Variants in PTN observed in about 807,000 individuals in gnomAD.
PTN encodes the protein pleiotrophin, also known as heparin affin regulatory protein.
Under a neutral mutation model 24.1 loss-of-function variants are expected in PTN, and 18 were observed. The observed-to-expected ratio is 0.75, with a 90% CI of 0.52 to 1.11. The LOEUF is 1.11. Ranked by LOEUF, PTN falls within the 50% of genes least tolerant of loss-of-function variation. PTN has a pLI of 0.00. For synonymous variants in PTN, 78 were observed against 68.6 expected (o/e 1.14, Z -0.67); for missense variants, 163 against 198.8 (o/e 0.82, Z 1.08).
intron 2 of PTN, among the ~76,000 whole-genome samples, chr7:137,254,394 T>C (rs1808881676): frequency 6.6e-6 from 1 of 152,066 alleles, no homozygotes; most frequent in South Asian, 2.1e-4. Flanking sequence ...ATCATACAAA[T>C]ATGGTGCATC....
chr7:137,310,475 G>A (rs992305793), intron 1 of PTN, among the ~76,000 whole-genome samples: 15 of 146,574 alleles, frequency 1.0e-4, no homozygotes, highest in Non-Finnish European at 1.8e-4. Context: ...TTGGCTCACT[G>A]CAACCTCCGA....
At position 137,253,505 on chromosome 7, in the gene PTN, T is replaced by C; in HGVS notation, c.248A>G (p.Gln83Arg). The C allele has an allele frequency of 6.2e-7, 1 of 1,611,884 alleles. No homozygotes were observed. The highest frequency in any genetic ancestry group is 8.5e-7 in the Non-Finnish European group (1 of 1,178,956). Residue 83 changes from glutamine (Q) to arginine (R), a missense_variant, in exon 3 of 5, where the codon CAG becomes CGG. Coordinates refer to ENST00000348225, the MANE Select transcript of PTN (RefSeq NM_002825.7). Reference sequence around the variant, plus strand: ...CCAGTTGCAGGGGATCTTACATCTCTGGGTCTTCATGGTTTGCTTGCACTC... The same window carrying C: ...CCAGTTGCAGGGGATCTTACATCTCCGGGTCTTCATGGTTTGCTTGCACTC... ...GAECKQTMKT[Q>R]RCKIPCNWKK...
chr7:137,264,130 T>G (rs1366859325), intron 1 of PTN, among the ~76,000 whole-genome samples: 1 of 152,190 alleles, frequency 6.6e-6, no homozygotes, highest in Admixed American at 6.5e-5. Flanking sequence ...ACTGGGTCTG[T>G]AGGCTCTAAT....
intron 1 of PTN, among the ~76,000 whole-genome samples, chr7:137,262,301 C>T (rs540624065): frequency 2.6e-5 from 4 of 152,022 alleles, no homozygotes; most frequent in Admixed American, 1.3e-4. Context: ...TTTTTATCTT[C>T]AATTTATCTT....
At chr7:137,332,341 G>A (rs1235326369) in intron 1 of PTN, among the ~76,000 whole-genome samples, 2 of 151,878 alleles carry the variant, frequency 1.3e-5, no homozygotes, top group Admixed American at 1.3e-4. Flanking sequence ...AAAATAATGT[G>A]TTTCTTCAGG....
rs138421905 is a variant in PTN at position 137,341,906 on chromosome 7, G to A, written c.-2+1533C>T. On this transcript the variant is annotated intron_variant, in intron 1 of 4. Transcript: ENST00000348225. ...CTCATCTTCTAATTTAAATGAAAAA[G>A]TACAAATATTGCCAGTCTGAAATAA... 4.4e-3 allele frequency among the ~76,000 whole-genome samples: 665 copies of A among 151,978 alleles called. 5 individuals carry two copies. Among genetic ancestry groups the A allele is most frequent in the Non-Finnish European group, 6.1e-3 (412 of 67,960 alleles).
At chr7:137,259,424 C>G (rs941022065) in intron 1 of PTN, among the ~76,000 whole-genome samples, 2 of 151,936 alleles carry the variant, frequency 1.3e-5, no homozygotes, top group South Asian at 4.1e-4. Context: ...GAACAAATTA[C>G]CAAATCACAA....
chr7:137,301,429 C>G (rs1385438877), intron 1 of PTN, among the ~76,000 whole-genome samples: 1 of 151,856 alleles, frequency 6.6e-6, no homozygotes, highest in African/African-American at 2.4e-5. Flanking sequence ...ACAGGTGAAC[C>G]AGCTCATGTA....
chr7:137,338,628 T>TTACATATA (rs1260642116), intron 1 of PTN, among the ~76,000 whole-genome samples: 2 of 152,212 alleles, frequency 1.3e-5, no homozygotes, highest in Non-Finnish European at 2.9e-5. Context: ...TTTAATGTTC[T>TTACATATA]TACATATATA....
intron 4 of PTN, chr7:137,236,079 T>A (rs991812943): frequency 3.0e-6 from 2 of 667,224 alleles, no homozygotes; most frequent in African/African-American, 3.6e-5. Flanking sequence ...AATTACTTCA[T>A]CAACCATGCA....
chr7:137,269,624 A>ATTTTTTTTTTT lies in PTN; in HGVS notation c.-1-14661_-1-14651dup, dbSNP rs869311084. ...TGCTATCTGTCAAGCTGCTTCATCT[A>ATTTTTTTTTTT]TTTTTTTTTTTTTTTTTTTTTTTTT... On this transcript the variant is annotated intron_variant, in intron 1 of 4. Coordinates refer to ENST00000348225, the MANE Select transcript of PTN (RefSeq NM_002825.7). 1.2e-3 allele frequency among the ~76,000 whole-genome samples: 74 copies of ATTTTTTTTTTT among 63,012 alleles called. 18 individuals carry two copies. Among genetic ancestry groups the ATTTTTTTTTTT allele is most frequent in the African/African-American group, 5.1e-3 (69 of 13,424 alleles). The allele number at this position is 63,012 out of a possible 152,430, so 41.3% of individuals were successfully genotyped here. A position where few individuals can be genotyped will look rare whatever the true frequency, so the allele number is the denominator to read the frequency against.
intron 1 of PTN, among the ~76,000 whole-genome samples, chr7:137,292,456 A>G (rs1835536): frequency 0.053 from 8,081 of 152,158 alleles, 406 homozygotes; most frequent in African/African-American, 0.13. Flanking sequence ...AGTTTTATAA[A>G]GGAGAGTTCC....
intron 1 of PTN, among the ~76,000 whole-genome samples, chr7:137,341,519 C>G (rs1354764870): frequency 6.6e-6 from 1 of 151,808 alleles, no homozygotes; most frequent in Non-Finnish European, 1.5e-5. Context: ...TTAGGTATAC[C>G]TTATTACTCT....
intron 1 of PTN, among the ~76,000 whole-genome samples, chr7:137,263,104 C>T (rs1352870495): frequency 2.6e-5 from 4 of 152,190 alleles, no homozygotes; most frequent in Non-Finnish European, 4.4e-5. Context: ...ATATAGTACA[C>T]TTGTGCTGAA....
At chr7:137,329,733 A>T (rs866985710) in intron 1 of PTN, among the ~76,000 whole-genome samples, 1 of 152,192 alleles carries the variant, frequency 6.6e-6, no homozygotes, top group Admixed American at 6.5e-5. Flanking sequence ...ATTCTATGCA[A>T]CAATAAGCAT....
At chr7:137,230,587 GA>G (rs943801555) in intron 4 of PTN, among the ~76,000 whole-genome samples, 2 of 151,310 alleles carry the variant, frequency 1.3e-5, no homozygotes, top group Non-Finnish European at 3.0e-5. Context: ...AAATTTTTGT[GA>G]AAAAAAATCA....
intron 3 of PTN, among the ~76,000 whole-genome samples, chr7:137,252,205 C>T (rs1808839572): frequency 6.6e-6 from 1 of 151,898 alleles, no homozygotes; most frequent in Admixed American, 6.5e-5. Context: ...CGTCTTGTCA[C>T]TATTTTTTAT....
intron 1 of PTN, among the ~76,000 whole-genome samples, chr7:137,261,769 A>G (rs1437369325): frequency 6.6e-6 from 1 of 152,152 alleles, no homozygotes; most frequent in Non-Finnish European, 1.5e-5. Context: ...CAAAAGGTAT[A>G]ATCTAGTGCT....
intron 1 of PTN, among the ~76,000 whole-genome samples, chr7:137,289,067 G>A (rs1401682016): frequency 6.6e-6 from 1 of 152,140 alleles, no homozygotes; most frequent in Non-Finnish European, 1.5e-5. Context: ...TGCGAAGTAG[G>A]TAGTATTATT....
Sources: allele counts gnomAD v4.1 joint callset (sites outside exome capture counted in the v4.1 genomes callset), GRCh38; gene constraint gnomAD v4.1.1; transcripts MANE v1.5; gene names NCBI Gene and HGNC (gene_info 2026-07-23, HGNC 2026-07-21).